GRM8: variants seen among roughly 807,000 people sequenced by gnomAD.
GRM8 encodes the protein glutamate metabotropic receptor 8, also known as metabotropic glutamate receptor 8.
GRM8 carries 47 observed loss-of-function variants against 87.2 expected under a neutral mutation model. The ratio of observed to expected loss-of-function variants is 0.54; its 90% CI spans 0.43 to 0.69. The LOEUF (loss-of-function observed/expected upper bound fraction) is 0.69. Among genes scored for constraint, GRM8 ranks in the 30% least tolerant of loss-of-function variants. The pLI is 0.00. For missense variants in GRM8, 1,019 were observed against 1,139.2 expected (o/e 0.89, Z 1.52); for synonymous variants, 396 against 404.5 (o/e 0.98, Z 0.25).
At chr7:126,862,344 G>A (rs1190186397) in intron 6 of GRM8, among the ~76,000 whole-genome samples, 1 of 151,750 alleles carries the variant, frequency 6.6e-6, no homozygotes, top group East Asian at 1.9e-4. Flanking sequence ...GGCATGTTAT[G>A]GCTATTATTG....
intron 3 of GRM8, among the ~76,000 whole-genome samples, chr7:126,905,975 A>G (rs13311510): frequency 6.6e-6 from 1 of 152,200 alleles, no homozygotes; most frequent in African/African-American, 2.4e-5. Context: ...ACCAGGTCCA[A>G]CTTGAGAACG....
At chr7:127,164,230 C>T (rs957026379) in intron 2 of GRM8, among the ~76,000 whole-genome samples, 7 of 152,126 alleles carry the variant, frequency 4.6e-5, no homozygotes, top group Non-Finnish European at 1.0e-4. Context: ...CTGAAGCCTC[C>T]CCAGAAGCTG....
chr7:126,490,377 T>C (rs894078920), intron 9 of GRM8, among the ~76,000 whole-genome samples: 4 of 152,066 alleles, frequency 2.6e-5, no homozygotes, highest in Non-Finnish European at 5.9e-5. Context: ...AAGCCTTCCA[T>C]CTTGTTTATA....
intron 6 of GRM8, among the ~76,000 whole-genome samples, chr7:126,831,753 A>G (rs939361254): frequency 3.9e-5 from 6 of 152,152 alleles, no homozygotes; most frequent in Non-Finnish European, 4.4e-5. Flanking sequence ...TCAGATGGAA[A>G]TGCAGAAATC....
intron 6 of GRM8, among the ~76,000 whole-genome samples, chr7:126,892,108 T>C (rs1053830281): frequency 6.6e-6 from 1 of 151,542 alleles, no homozygotes; most frequent in African/African-American, 2.4e-5. Flanking sequence ...GTTTTAATAT[T>C]TGTATAACTT....
At chr7:127,014,901 A>G (rs767585474) in intron 3 of GRM8, among the ~76,000 whole-genome samples, 1 of 147,132 alleles carries the variant, frequency 6.8e-6, no homozygotes, top group Non-Finnish European at 1.5e-5. Flanking sequence ...CACATCCAAC[A>G]TGGGAGGGGA....
At chr7:126,735,060 A>G (rs1814043595) in intron 7 of GRM8, among the ~76,000 whole-genome samples, 1 of 152,086 alleles carries the variant, frequency 6.6e-6, no homozygotes, top group Non-Finnish European at 1.5e-5. Flanking sequence ...ACTGTTACAC[A>G]TTTCTAGGCA....
At chr7:126,797,439 C>A (rs1326263868) in intron 6 of GRM8, among the ~76,000 whole-genome samples, 2 of 151,926 alleles carry the variant, frequency 1.3e-5, no homozygotes, top group Non-Finnish European at 2.9e-5. Context: ...ATTAAATCAC[C>A]AATAACATTT....
intron 3 of GRM8, among the ~76,000 whole-genome samples, chr7:126,906,833 AG>A (rs1360767046): frequency 6.6e-6 from 1 of 152,174 alleles, no homozygotes; most frequent in African/African-American, 2.4e-5. Flanking sequence ...CATAATACAC[AG>A]ATTGGGCTGT....
intron 2 of GRM8, among the ~76,000 whole-genome samples, chr7:127,242,484 A>C (rs1798361532): frequency 6.6e-6 from 1 of 151,880 alleles, no homozygotes; most frequent in Admixed American, 6.6e-5. Context: ...AAAAAAAAAG[A>C]GTCAAAATTA....
chr7:126,809,965 A>G (rs1793133522), intron 6 of GRM8, among the ~76,000 whole-genome samples: 1 of 152,166 alleles, frequency 6.6e-6, no homozygotes, highest in African/African-American at 2.4e-5. Flanking sequence ...GAGGAATTCC[A>G]CTTACTCTCA....
At chr7:126,663,579 T>C (rs1230348316) in intron 7 of GRM8, among the ~76,000 whole-genome samples, 1 of 152,152 alleles carries the variant, frequency 6.6e-6, no homozygotes, top group African/African-American at 2.4e-5. Context: ...AAGCTTTTGA[T>C]AAAATCTAAC....
At chr7:126,487,593 A>G (rs893251050) in intron 9 of GRM8, among the ~76,000 whole-genome samples, 2 of 151,996 alleles carry the variant, frequency 1.3e-5, no homozygotes, top group African/African-American at 4.8e-5. Context: ...CCATTGGTCA[A>G]TTTTGCACTT....
chr7:126,534,522 G>C (rs1019342514), intron 8 of GRM8, among the ~76,000 whole-genome samples: 2 of 152,150 alleles, frequency 1.3e-5, no homozygotes, highest in African/African-American at 4.8e-5. Flanking sequence ...GAGATAACTT[G>C]ATGGTAATGT....
At position 126,642,391 on chromosome 7, in the gene GRM8, C is replaced by A. The variant is rs148606958; in HGVS notation, c.1358-32893G>T. Among the ~76,000 whole-genome samples, 854 of 152,264 alleles carry A rather than the reference C, an allele frequency of 5.6e-3. 9 individuals are homozygous for A. Among genetic ancestry groups the A allele is most frequent in the African/African-American group, 0.02 (823 of 41,542 alleles). On this transcript the variant is annotated intron_variant, in intron 7 of 10. Transcript: ENST00000339582. ...CGGTGGTTCACGCCTGTAATCCCAG[C>A]ACTTTGGGAGGCTGAGGCGGGCAGA... is the stretch of plus-strand genomic sequence containing the variant.
At chr7:126,756,971 T>G (rs1337488079) in intron 7 of GRM8, among the ~76,000 whole-genome samples, 1 of 152,102 alleles carries the variant, frequency 6.6e-6, no homozygotes, top group Admixed American at 6.6e-5. Flanking sequence ...TTCAAAAAAA[T>G]TATGGGTATT....
chr7:127,052,755 C>T (rs750534349), intron 3 of GRM8, among the ~76,000 whole-genome samples: 3 of 152,134 alleles, frequency 2.0e-5, no homozygotes, highest in African/African-American at 2.4e-5. Flanking sequence ...CTAGCTTTTT[C>T]AATGAAAGAA....
intron 2 of GRM8, among the ~76,000 whole-genome samples, chr7:127,139,457 G>A (rs1828136782): frequency 1.3e-5 from 2 of 152,216 alleles, no homozygotes; most frequent in East Asian, 1.9e-4. Context: ...AAAGAGCAGT[G>A]AGCAAACTGC....
At chr7:126,978,263 A>G (rs1811204523) in intron 3 of GRM8, among the ~76,000 whole-genome samples, 1 of 152,150 alleles carries the variant, frequency 6.6e-6, no homozygotes, top group African/African-American at 2.4e-5. Flanking sequence ...TCTGTATAAA[A>G]GGAAGCAAAA....
Sources: gnomAD v4.1 joint callset for allele counts (sites outside exome capture counted in the v4.1 genomes callset) on GRCh38, gnomAD v4.1.1 for gene constraint, MANE v1.5 for transcripts, NCBI Gene and HGNC (gene_info 2026-07-23, HGNC 2026-07-21) for gene names.